NTSR1: variants seen among roughly 807,000 people sequenced by gnomAD.
NTSR1 encodes the protein neurotensin receptor type 1.
NTSR1 carries 29 observed loss-of-function variants against 31.2 expected under a neutral mutation model. The ratio of observed to expected loss-of-function variants is 0.93; its 90% CI spans 0.69 to 1.27. The LOEUF (loss-of-function observed/expected upper bound fraction) is 1.27, where lower values mean the gene tolerates loss of function less well. NTSR1 is among the 50% of genes most tolerant of loss of function. The probability of loss-of-function intolerance (pLI) is 0.00; values close to 1 mark genes in which losing one functional copy is unlikely to be tolerated. For synonymous variants in NTSR1, 282 were observed against 269.9 expected (o/e 1.04, Z -0.44); for missense variants, 697 against 595.4 (o/e 1.17, Z -1.78).
intron 1 of NTSR1, among the ~76,000 whole-genome samples, chr20:62,740,025 T>C (rs549834808): frequency 6.6e-6 from 1 of 152,362 alleles, no homozygotes; most frequent in South Asian, 2.1e-4. Context: ...AGCTCCTCCT[T>C]GGTCACAGCT....
Position 62,709,808 on chromosome 20 carries a change from G to A in NTSR1, c.601G>A (p.Val201Met). Residue 201 changes from valine (V) to methionine (M), a missense_variant, in exon 1 of 4, where the codon GTG (valine) becomes ATG (methionine). Val to Met is a conservative substitution (Grantham distance 21, BLOSUM62 1). Coordinates refer to ENST00000370501, the MANE Select transcript of NTSR1 (RefSeq NM_002531.3). The stretch of plus-strand genomic sequence containing the variant: ...CTGGCTCGCCTCGGCCCTGCTGGCG[G>A]TGCCTATGCTGTTCACCATGGGCGA... ...AIWLASALLA[V>M]PMLFTMGEQN... is the part of the protein sequence containing the mutation. 6.2e-7 allele frequency: 1 copy of A among 1,612,782 alleles called. No homozygotes were observed. The highest frequency in any genetic ancestry group is 8.5e-7 in the Non-Finnish European group (1 of 1,179,906).
intron 1 of NTSR1, among the ~76,000 whole-genome samples, chr20:62,710,501 G>T (rs765133767): frequency 1.8e-4 from 28 of 152,336 alleles, no homozygotes; most frequent in Non-Finnish European, 3.7e-4. Context: ...TGTTTGCATG[G>T]CCCCTGACAC....
chr20:62,716,030 T>C (rs1178287279), intron 1 of NTSR1, among the ~76,000 whole-genome samples: 2 of 152,226 alleles, frequency 1.3e-5, no homozygotes, highest in Non-Finnish European at 2.9e-5. Flanking sequence ...TTCTTTATTT[T>C]TGATTCATGG....
intron 1 of NTSR1, among the ~76,000 whole-genome samples, chr20:62,725,410 G>A (rs1397616140): frequency 1.3e-5 from 2 of 152,204 alleles, no homozygotes; most frequent in African/African-American, 2.4e-5. Flanking sequence ...GGCGGGAGGC[G>A]AGTGGGCTCG....
Position 62,742,163 on chromosome 20 carries a change from C to T in NTSR1, c.715-12522C>T, listed in dbSNP as rs571907558. Among the ~76,000 whole-genome samples, 59 of 149,614 alleles carry T rather than the reference C, an allele frequency of 3.9e-4. No homozygotes were observed. The highest frequency in any genetic ancestry group is 7.2e-4 in the Non-Finnish European group (49 of 68,022). On this transcript the variant is annotated intron_variant, in intron 1 of 3. Transcript: ENST00000370501. The surrounding 1 kb of genome is among the most constrained non-coding windows in gnomAD (Gnocchi z 7.1). ...GCCAAGTACTAGCCAGAAGCTGCGC[C>T]GTCCATTTCATCCCCTCCCCACAGT...
In NTSR1 at chr20:62,709,842, G is replaced by A. The variant is rs942726900; in HGVS notation, c.635G>A (p.Arg212His). 6.8e-6 allele frequency: 11 copies of A among 1,610,282 alleles called. No individual in the cohort carries two copies. Among genetic ancestry groups the A allele is most frequent in the South Asian group, 1.1e-5 (1 of 91,010 alleles). ...CTGTTCACCATGGGCGAGCAGAACC[G>A]CAGCGCCGACGGCCAGCACGCCGGC... ...PMLFTMGEQN[R>H]SADGQHAGGL... Residue 212 changes from arginine to histidine, a missense_variant, in exon 1 of 4, where the codon CGC becomes CAC. Coordinates refer to ENST00000370501, the MANE Select transcript of NTSR1 (RefSeq NM_002531.3).
At chr20:62,752,519 T>C (rs1373859487) in intron 1 of NTSR1, among the ~76,000 whole-genome samples, 1 of 152,158 alleles carries the variant, frequency 6.6e-6, no homozygotes, top group African/African-American at 2.4e-5. Context: ...CACGTGGCCC[T>C]GCGGCAGACT....
intron 2 of NTSR1, among the ~76,000 whole-genome samples, chr20:62,756,934 G>C (rs1236565973): frequency 6.6e-6 from 1 of 152,182 alleles, no homozygotes. Context: ...TTGTGAATTG[G>C]ATTGTTTGTT....
intron 1 of NTSR1, among the ~76,000 whole-genome samples, chr20:62,752,211 C>G (rs2147146970): frequency 6.6e-6 from 1 of 152,364 alleles, no homozygotes; most frequent in East Asian, 1.9e-4. Context: ...TCCCCTCACC[C>G]CCAGCAGCAT....
intron 1 of NTSR1, among the ~76,000 whole-genome samples, chr20:62,734,880 T>G (rs1210883707): frequency 2.0e-5 from 3 of 152,274 alleles, no homozygotes; most frequent in African/African-American, 7.2e-5. Context: ...CTGGTACATT[T>G]AAGCCTCACG....
In NTSR1 at chr20:62,751,958, C is replaced by T. The variant is rs560316122; in HGVS notation, c.715-2727C>T. Among the ~76,000 whole-genome samples, 7 of 152,310 alleles carry T rather than the reference C, an allele frequency of 4.6e-5. No individual in the cohort carries two copies. The South Asian group carries it at 1.2e-3, about 27-fold the overall frequency. On this transcript the variant is annotated intron_variant, in intron 1 of 3. Transcript: ENST00000370501. ...CCAAATTCTCCTCATTAAGGTCACT[C>T]TCAGTGACACTCAGGTACATCCCAG...
At position 62,742,957 on chromosome 20, in the gene NTSR1, G is replaced by C. The variant is rs2147143310; in HGVS notation, c.715-11728G>C. Among the ~76,000 whole-genome samples, 1 of 149,746 alleles carries C rather than the reference G, an allele frequency of 6.7e-6. No individual in the cohort carries two copies. The highest frequency in any genetic ancestry group is 2.1e-4 in the South Asian group (1 of 4,774). ...CGGGACATACCCACAGCACAGGCAA[G>C]TGGAACGTTCTCTGAGTTTAGCTTT... On this transcript the variant is annotated intron_variant, in intron 1 of 3. Transcript: ENST00000370501. This position sits in a 1 kb window ranked among gnomAD's most constrained non-coding sequence, Gnocchi z 7.1.
chr20:62,740,798 A>T (rs1989192244), intron 1 of NTSR1, among the ~76,000 whole-genome samples: 2 of 152,162 alleles, frequency 1.3e-5, no homozygotes, highest in South Asian at 4.1e-4. Context: ...TTCCCAGCAG[A>T]TGCCTTGTGG....
At chr20:62,752,063 A>G (rs1336104901) in intron 1 of NTSR1, among the ~76,000 whole-genome samples, 1 of 152,012 alleles carries the variant, frequency 6.6e-6, no homozygotes, top group Non-Finnish European at 1.5e-5. Flanking sequence ...ACTATTTCCC[A>G]CTTGAACTGT....
intron 1 of NTSR1, among the ~76,000 whole-genome samples, chr20:62,750,905 T>G (rs1989384007): frequency 6.6e-6 from 1 of 152,070 alleles, no homozygotes; most frequent in Admixed American, 6.6e-5. Flanking sequence ...GATGGGCGTC[T>G]CACTCTGTTG....
rs1989015097 is a variant in NTSR1, at chr20:62,732,404, G to A, written c.715-22281G>A. 6.6e-6 allele frequency among the ~76,000 whole-genome samples: 1 copy of A among 152,174 alleles called. No individual in the cohort carries two copies. The highest frequency in any genetic ancestry group is 2.4e-5 in the African/African-American group (1 of 41,428). On this transcript the variant is annotated intron_variant, in intron 1 of 3. Transcript: ENST00000370501. This position sits in a 1 kb window ranked among gnomAD's most constrained non-coding sequence, Gnocchi z 4.0. ...TTCTCACAGATGGGTGTTGGGTTTTGGAAAATAGTTCCTGTTGCCATGATG... is the reference window on the plus strand; with the variant it reads ...TTCTCACAGATGGGTGTTGGGTTTTAGAAAATAGTTCCTGTTGCCATGATG...
chr20:62,760,210 C>T lies in NTSR1; in HGVS notation c.1200C>T (p.Asp400=), dbSNP rs1183200350. Residue 400 remains aspartate, a synonymous_variant, in exon 4 of 4, where the codon GAC becomes GAT. Transcript: ENST00000370501. ...GGCCAGCCTTCTCGAGGAAGGCCGA[C>T]AGCGTGTCCAGCAACCACACCCTCT... ...RKRPAFSRKA[D]SVSSNHTLSS... The T allele has an allele frequency of 2.5e-6, 4 of 1,613,784 alleles. No individual in the cohort carries two copies. The South Asian group carries it at 3.3e-5, about 13-fold the overall frequency.
chr20:62,734,073 C>CATGGCTGGGGCCG (rs1237717031), intron 1 of NTSR1, among the ~76,000 whole-genome samples: 22 of 152,228 alleles, frequency 1.4e-4, no homozygotes, highest in African/African-American at 5.3e-4. Flanking sequence ...CTGGGGCCGG[C>CATGGCTGGGGCCG]GGCAGGTTTG....
chr20:62,728,988 C>G (rs1988958116), intron 1 of NTSR1, among the ~76,000 whole-genome samples: 1 of 152,204 alleles, frequency 6.6e-6, no homozygotes, highest in Admixed American at 6.5e-5. Context: ...GCCCTTCCGG[C>G]GACACTCAGA....
Sources: allele counts gnomAD v4.1 joint callset (sites outside exome capture counted in the v4.1 genomes callset), GRCh38; gene constraint gnomAD v4.1.1; non-coding constraint Gnocchi (gnomAD v3.1); transcripts MANE v1.5; gene names NCBI Gene and HGNC (gene_info 2026-07-23, HGNC 2026-07-21).